Variants in REV1 observed in about 807,000 individuals in gnomAD.
The protein encoded by REV1 is translesion synthesis protein REV1.
In REV1, 42 loss-of-function variants were observed where a neutral mutation model predicts 137.4. That is an observed-to-expected ratio of 0.31 (90% CI 0.24 to 0.40). REV1 has a LOEUF of 0.40. REV1 is among the 10% of genes least tolerant of loss of function. The pLI is 1.00. For synonymous variants in REV1, 524 were observed against 519.2 expected (o/e 1.01, Z -0.12); for missense variants, 1,282 against 1,490.1 (o/e 0.86, Z 2.30).
At chr2:99,462,790 T>A in intron 2 of REV1, 168 bp from the exon 3 acceptor site, 2 of 665,782 alleles carry the variant, frequency 3.0e-6, no homozygotes, top group South Asian at 2.4e-5. Context: ...AGGCAATAAA[T>A]AAAACAGGAA....
At chr2:99,442,150 G>A (rs1681567029) in intron 5 of REV1, among the ~76,000 whole-genome samples, 167 bp downstream of exon 5, 1 of 150,514 alleles carries the variant, frequency 6.6e-6, no homozygotes, top group Non-Finnish European at 1.5e-5. Flanking sequence ...TACTCGGGAG[G>A]CTGAGGCAGG....
intron 1 of REV1, among the ~76,000 whole-genome samples, chr2:99,467,902 T>C (rs1196014262): frequency 1.3e-5 from 2 of 151,398 alleles, no homozygotes; most frequent in African/African-American, 4.9e-5. Flanking sequence ...AAAAGATTGC[T>C]GGGCACGATG....
intron 1 of REV1, among the ~76,000 whole-genome samples, chr2:99,482,090 A>G (rs1309533538): frequency 2.6e-5 from 4 of 152,186 alleles, no homozygotes; most frequent in Admixed American, 6.5e-5. Flanking sequence ...TTGGGCTTTG[A>G]GCAACCTGAC....
At chr2:99,433,797 T>A (rs940517307) in intron 8 of REV1, among the ~76,000 whole-genome samples, 8 of 152,218 alleles carry the variant, frequency 5.3e-5, no homozygotes, top group East Asian at 3.8e-4. Flanking sequence ...ATGAAAATCT[T>A]AATAAGTATT....
At chr2:99,405,151 G>C (rs184892328) in intron 17 of REV1, 1 of 161,526 alleles carries the variant, frequency 6.2e-6, no homozygotes, top group East Asian at 1.9e-4. Flanking sequence ...GCAGCACACT[G>C]GAAGAAAGGG....
chr2:99,407,397 A>G (rs1436086549), intron 15 of REV1, among the ~76,000 whole-genome samples: 1 of 106,612 alleles, frequency 9.4e-6, no homozygotes, highest in Non-Finnish European at 1.9e-5. Context: ...CCAAAAATAC[A>G]AAAAATTAGC....
intron 3 of REV1, among the ~76,000 whole-genome samples, chr2:99,451,741 A>G (rs991885463): frequency 6.6e-6 from 1 of 151,982 alleles, no homozygotes; most frequent in Non-Finnish European, 1.5e-5. Flanking sequence ...CGAGTAATGT[A>G]TATGACCTCA....
At chr2:99,423,516 G>A (rs1226964049) in intron 10 of REV1, among the ~76,000 whole-genome samples, 5 of 152,164 alleles carry the variant, frequency 3.3e-5, no homozygotes, top group African/African-American at 9.7e-5. Context: ...CTGGTTTACA[G>A]CATAATAGGC....
chr2:99,454,980 G>A (rs765060826), intron 3 of REV1, among the ~76,000 whole-genome samples: 9 of 152,194 alleles, frequency 5.9e-5, no homozygotes, highest in Non-Finnish European at 8.8e-5. Flanking sequence ...ACAGCCATAT[G>A]AAGACCACTT....
intron 14 of REV1, among the ~76,000 whole-genome samples, chr2:99,408,907 T>C (rs1326574786): frequency 1.3e-5 from 2 of 152,228 alleles, no homozygotes; most frequent in Non-Finnish European, 1.5e-5. Flanking sequence ...ACAAGAAATA[T>C]TCCCAGAAAA....
At chr2:99,433,502 C>G (rs2104756992) in intron 8 of REV1, among the ~76,000 whole-genome samples, 1 of 152,184 alleles carries the variant, frequency 6.6e-6, no homozygotes, top group Non-Finnish European at 1.5e-5. Context: ...CGCTGGCTTT[C>G]CTTTTGCCTT....
Position 99,438,921 on chromosome 2 carries a change from A to G in REV1, c.893T>C (p.Phe298Ser), listed in dbSNP as rs1302857007. 6.2e-7 allele frequency: 1 copy of G among 1,614,164 alleles called. No homozygotes were observed. Among genetic ancestry groups the G allele is most frequent in the East Asian group, 2.2e-5 (1 of 44,884 alleles). ...ALRNPHRTNS[F>S]SLSPLHSNTK... ...GTTACTGTGCAAAGGTGATAATGAG[A>G]AAGAATTAGTTCTGTGTGGATTCCG... Residue 298 changes from phenylalanine to serine, a missense_variant, in exon 6 of 23, where the codon TTC (phenylalanine) becomes TCC (serine). Coordinates refer to ENST00000258428, the MANE Select transcript of REV1 (RefSeq NM_016316.4).
intron 12 of REV1, 28 bp downstream of exon 12, chr2:99,418,800 A>G (rs774040910): frequency 1.3e-6 from 2 of 1,594,510 alleles, no homozygotes; most frequent in Admixed American, 1.7e-5. Context: ...GCCTGTAATA[A>G]AAGTATTGTT....
intron 12 of REV1, 55 bp downstream of exon 12, chr2:99,418,773 T>A: frequency 2.0e-6 from 3 of 1,519,918 alleles, no homozygotes; most frequent in Non-Finnish European, 2.7e-6. Flanking sequence ...ATTATAGATA[T>A]GAAAAGTACT....
intron 12 of REV1, among the ~76,000 whole-genome samples, chr2:99,418,202 T>G (rs1466216808): frequency 6.6e-6 from 1 of 152,158 alleles, no homozygotes. Flanking sequence ...GATGGAAGAC[T>G]TTACAAAGCT....
chr2:99,460,421 G>A (rs1684053849), intron 3 of REV1, among the ~76,000 whole-genome samples: 1 of 152,174 alleles, frequency 6.6e-6, no homozygotes, highest in African/African-American at 2.4e-5. Flanking sequence ...GACAAAGTCT[G>A]CACCTTTGGT....
chr2:99,439,800 C>T (rs1681244897), intron 5 of REV1, among the ~76,000 whole-genome samples: 1 of 152,030 alleles, frequency 6.6e-6, no homozygotes, highest in Non-Finnish European at 1.5e-5. Context: ...AAATAACTTT[C>T]ATAAAAATGG....
Position 99,453,188 on chromosome 2 carries a change from G to A in REV1, c.182-3684C>T, listed in dbSNP as rs112475891. On this transcript the variant is annotated intron_variant, in intron 3 of 22. Coordinates refer to ENST00000258428, the MANE Select transcript of REV1 (RefSeq NM_016316.4). ...ATCCTGGCCAACATGGTGAAACCCCGTCTCTACTAAAAATACAAAAATTAG... is the reference window on the plus strand; with the variant it reads ...ATCCTGGCCAACATGGTGAAACCCCATCTCTACTAAAAATACAAAAATTAG... Among the ~76,000 whole-genome samples the A allele has an allele frequency of 2.7e-3, 412 of 151,956 alleles. 2 individuals carry two copies. The highest frequency in any genetic ancestry group is 9.2e-3 in the African/African-American group (382 of 41,458).
At position 99,442,318 on chromosome 2, in the gene REV1, C is replaced by T. The variant is rs1681618560; in HGVS notation, c.502G>A (p.Val168Ile). 6.3e-7 allele frequency: 1 copy of T among 1,592,852 alleles called. No homozygotes were observed. The highest frequency in any genetic ancestry group is 8.6e-7 in the Non-Finnish European group (1 of 1,167,872). ...SNIAKQLNNR[V>I]NHIVKKIETE... ...TAATCCCCAACTAGACAAACTTACA[C>T]CCTGTTGTTGAGCTGTTTGGCTATA... The change falls in exon 5 of 23, where the codon GTA becomes ATA. Residue 168 changes from valine (V) to isoleucine (I), a missense_variant and splice_region_variant. By Grantham distance (29) the Val-to-Ile change is conservative. Transcript: ENST00000258428.
Sources: gnomAD v4.1 joint callset for allele counts (sites outside exome capture counted in the v4.1 genomes callset) on GRCh38, gnomAD v4.1.1 for gene constraint, MANE v1.5 for transcripts, NCBI Gene and HGNC (gene_info 2026-07-23, HGNC 2026-07-21) for gene names.